ANKRD11: variants seen among roughly 807,000 people sequenced by gnomAD.
The protein encoded by ANKRD11 is ankyrin repeat domain-containing protein 11.
ANKRD11 carries 17 observed loss-of-function variants against 195.7 expected under a neutral mutation model. That is an observed-to-expected ratio of 0.09 (90% CI 0.06 to 0.13). ANKRD11 has a LOEUF of 0.13. Ranked by LOEUF, ANKRD11 falls within the 10% of genes least tolerant of loss-of-function variation. The pLI is 1.00. For synonymous variants in ANKRD11, 1,953 were observed against 1,528.1 expected (o/e 1.28, Z -6.49); for missense variants, 3,735 against 3,566.1 (o/e 1.05, Z -1.21).
At chr16:89,310,801 GCTCA>G (rs1243767992) in intron 3 of ANKRD11, among the ~76,000 whole-genome samples, 1 of 152,152 alleles carries the variant, frequency 6.6e-6, no homozygotes, top group African/African-American at 2.4e-5. Flanking sequence ...ACCATGCTAC[GCTCA>G]CTGATTCTTG....
At chr16:89,466,903 G>A (rs1009578935) in intron 1 of ANKRD11, among the ~76,000 whole-genome samples, 2 of 152,212 alleles carry the variant, frequency 1.3e-5, no homozygotes, top group Non-Finnish European at 2.9e-5. Context: ...TCAGTGGCCG[G>A]AGATGAAAGC....
chr16:89,424,554 T>C (rs1453787936), intron 1 of ANKRD11, among the ~76,000 whole-genome samples: 2 of 151,846 alleles, frequency 1.3e-5, no homozygotes, highest in African/African-American at 4.8e-5. Context: ...CATGGATAAA[T>C]AAGCTGAGTC....
intron 1 of ANKRD11, among the ~76,000 whole-genome samples, chr16:89,477,575 G>A (rs180774865): frequency 6.6e-4 from 100 of 151,648 alleles, no homozygotes; most frequent in African/African-American, 2.3e-3. Context: ...CAGGCTGGTC[G>A]CGAACTCCTG....
At chr16:89,353,906 C>T (rs1458563135) in intron 2 of ANKRD11, among the ~76,000 whole-genome samples, 2 of 152,218 alleles carry the variant, frequency 1.3e-5, no homozygotes, top group Admixed American at 6.5e-5. Context: ...ATGCAGGGAG[C>T]GTGGGGCATG....
intron 4 of ANKRD11, chr16:89,300,602 A>T: frequency 2.3e-6 from 1 of 443,550 alleles, no homozygotes; most frequent in East Asian, 4.1e-5. Flanking sequence ...AGTTCCAAGA[A>T]GTCCCACAGA....
intron 2 of ANKRD11, among the ~76,000 whole-genome samples, chr16:89,392,082 G>A (rs2041222928): frequency 6.6e-6 from 1 of 152,070 alleles, no homozygotes; most frequent in Non-Finnish European, 1.5e-5. Context: ...CTAGCCAATC[G>A]GGACAAATAC....
Position 89,281,102 on chromosome 16 carries a change from T to C in ANKRD11, c.5440A>G (p.Ser1814Gly). Reference protein sequence around the residue: ...SVGDKLFRQQSVPAASSYDSP... With the variant: ...SVGDKLFRQQGVPAASSYDSP... Reference sequence around the variant, plus strand: ...TCGTAGCTGGAGGCAGCAGGAACGCTCTGCTGCCTGAAGAGCTTGTCTCCG... The same window carrying C: ...TCGTAGCTGGAGGCAGCAGGAACGCCCTGCTGCCTGAAGAGCTTGTCTCCG... The change falls in exon 9 of 13, where the codon AGC becomes GGC. Residue 1814 changes from serine (S) to glycine (G), a missense_variant. Ser to Gly is a moderately conservative substitution (Grantham distance 56, BLOSUM62 0). Transcript: ENST00000301030. This position sits in a 1 kb window ranked among gnomAD's most constrained non-coding sequence, Gnocchi z 5.5. The C allele has an allele frequency of 6.2e-7, 1 of 1,611,186 alleles. No individual in the cohort carries two copies. The highest frequency in any genetic ancestry group is 8.5e-7 in the Non-Finnish European group (1 of 1,177,646).
intron 2 of ANKRD11, among the ~76,000 whole-genome samples, chr16:89,409,926 G>A (rs553617705): frequency 4.6e-5 from 7 of 152,134 alleles, no homozygotes; most frequent in Middle Eastern, 3.4e-3. Flanking sequence ...TGCAAGCTCC[G>A]CCTCCCGGGT....
At chr16:89,337,644 G>A (rs764384993) in intron 2 of ANKRD11, among the ~76,000 whole-genome samples, 23 of 151,874 alleles carry the variant, frequency 1.5e-4, no homozygotes, top group Non-Finnish European at 2.2e-4. Flanking sequence ...GTTTCACCGT[G>A]TTAGCCAGGA....
intron 1 of ANKRD11, among the ~76,000 whole-genome samples, chr16:89,475,125 G>A (rs2057213579): frequency 6.6e-6 from 1 of 152,220 alleles, no homozygotes; most frequent in African/African-American, 2.4e-5. Context: ...CCTCTTGACT[G>A]TGACGGGCAG....
At chr16:89,381,354 A>AAAAAAAAGGG (rs1555560066) in intron 2 of ANKRD11, among the ~76,000 whole-genome samples, 1 of 125,344 alleles carries the variant, frequency 8.0e-6, no homozygotes, top group African/African-American at 3.3e-5. Flanking sequence ...AAAAAAAAAA[A>AAAAAAAAGGG]GGGGTGAGAA....
chr16:89,291,135 C>T lies in ANKRD11; in HGVS notation c.275G>A (p.Arg92Gln), dbSNP rs143894223. ...CATGCCAAACAGCAGCCCGGCCTTC[C>T]GGGTGACAGGCTCCTTCTTAATCCT... Reference protein sequence around the residue: ...RKRIKKEPVTRKAGLLFGMGL... With the variant: ...RKRIKKEPVTQKAGLLFGMGL... The change falls in exon 5 of 13, where the codon CGG becomes CAG. Residue 92 changes from arginine to glutamine, a missense_variant. Coordinates refer to ENST00000301030, the MANE Select transcript of ANKRD11 (RefSeq NM_013275.6). This position sits in a 1 kb window ranked among gnomAD's most constrained non-coding sequence, Gnocchi z 5.3. 1.4e-4 allele frequency: 233 copies of T among 1,613,844 alleles called. No individual in the cohort carries two copies. The highest frequency in any genetic ancestry group is 3.1e-5 in the Non-Finnish European group (37 of 1,179,984).
rs771395581 is a variant in ANKRD11 at position 89,279,922 on chromosome 16, G to A, written c.6620C>T (p.Pro2207Leu). 9.9e-6 allele frequency: 16 copies of A among 1,609,878 alleles called. No homozygotes were observed. The highest frequency in any genetic ancestry group is 9.3e-5 in the African/African-American group (7 of 74,906). ...TRLPAELEPE[P>L]SGEPKLDVAL... ...CACGTCCAGCTTTGGCTCCCCTGAG[G>A]GCTCAGGCTCGAGCTCTGCAGGGAG... is the stretch of plus-strand genomic sequence containing the variant. The change falls in exon 9 of 13, where the codon CCC becomes CTC. Residue 2207 changes from proline (P) to leucine (L), a missense_variant. Pro to Leu is a moderately conservative substitution (Grantham distance 98). Coordinates refer to ENST00000301030, the MANE Select transcript of ANKRD11 (RefSeq NM_013275.6). The surrounding 1 kb of genome is among the most constrained non-coding windows in gnomAD (Gnocchi z 5.6).
chr16:89,418,748 G>C (rs2042396721), intron 1 of ANKRD11, among the ~76,000 whole-genome samples: 1 of 151,138 alleles, frequency 6.6e-6, no homozygotes, highest in African/African-American at 2.4e-5. Flanking sequence ...TTACCAGTAA[G>C]CTAAGTTTTT....
intron 2 of ANKRD11, among the ~76,000 whole-genome samples, chr16:89,335,234 C>T (rs1000333839): frequency 5.3e-5 from 8 of 152,144 alleles, no homozygotes; most frequent in South Asian, 4.1e-4. Context: ...GGCTGGGAGA[C>T]GCGGGTGACA....
chr16:89,270,483 G>A (rs2033046979), intron 12 of ANKRD11: 2 of 404,300 alleles, frequency 4.9e-6, no homozygotes, highest in South Asian at 2.1e-5. Context: ...AGCACTTCCA[G>A]AGCAGTGGAG....
chr16:89,406,093 A>G (rs1232302433), intron 2 of ANKRD11, among the ~76,000 whole-genome samples: 2 of 149,816 alleles, frequency 1.3e-5, no homozygotes, highest in African/African-American at 5.0e-5. Context: ...CTGGGTGACA[A>G]AGGGAGATTC....
intron 2 of ANKRD11, among the ~76,000 whole-genome samples, chr16:89,377,058 T>C (rs369437671): frequency 3.3e-5 from 5 of 152,350 alleles, no homozygotes; most frequent in East Asian, 1.9e-4. Flanking sequence ...AGGAAGTACC[T>C]TGCCTTGCCA....
intron 1 of ANKRD11, among the ~76,000 whole-genome samples, chr16:89,478,606 C>A (rs2057338752): frequency 6.6e-6 from 1 of 152,204 alleles, no homozygotes; most frequent in African/African-American, 2.4e-5. Context: ...TGCCCTCCAA[C>A]AGTCACCCCC....
Sources: allele counts gnomAD v4.1 joint callset (sites outside exome capture counted in the v4.1 genomes callset), GRCh38; gene constraint gnomAD v4.1.1; non-coding constraint Gnocchi (gnomAD v3.1); transcripts MANE v1.5; gene names NCBI Gene and HGNC (gene_info 2026-07-23, HGNC 2026-07-21).